The following STRN variants were observed in gnomAD, a reference collection of about 807,000 sequenced individuals.
STRN encodes striatin.
In STRN, 53 loss-of-function variants were observed where a neutral mutation model predicts 96.3. The observed-to-expected ratio is 0.55, with a 90% confidence interval of 0.44 to 0.69. STRN has a LOEUF of 0.69. Ranked by LOEUF, STRN falls within the 30% of genes least tolerant of loss-of-function variation. The pLI, the probability that STRN is intolerant of heterozygous loss-of-function variation, is 0.00. For synonymous variants in STRN, 428 were observed against 355.9 expected (o/e 1.20, Z -2.28); for missense variants, 987 against 963.9 (o/e 1.02, Z -0.32).
intron 1 of STRN, among the ~76,000 whole-genome samples, chr2:36,950,037 C>G (rs1041208588): frequency 1.3e-5 from 2 of 151,554 alleles, no homozygotes; most frequent in Non-Finnish European, 2.9e-5. Context: ...AGAAAGACAA[C>G]AAAGGAACAG....
At chr2:36,947,694 T>G (rs1377758248) in intron 1 of STRN, among the ~76,000 whole-genome samples, 3 of 151,620 alleles carry the variant, frequency 2.0e-5, no homozygotes, top group African/African-American at 7.3e-5. Context: ...AAATTCCTAC[T>G]CCTGGTTCTC....
At chr2:36,964,124 C>G (rs989319937) in intron 1 of STRN, among the ~76,000 whole-genome samples, 1 of 138,398 alleles carries the variant, frequency 7.2e-6, no homozygotes, top group East Asian at 2.1e-4. Flanking sequence ...AACTGAAGAT[C>G]AACTACAGTT....
At chr2:36,884,407 G>A (rs371498701) in intron 8 of STRN, among the ~76,000 whole-genome samples, 10 of 152,150 alleles carry the variant, frequency 6.6e-5, no homozygotes, top group African/African-American at 2.2e-4. Context: ...AGCCTACTGT[G>A]CACTGAATTA....
intron 3 of STRN, among the ~76,000 whole-genome samples, chr2:36,908,209 T>C (rs1425952128): frequency 1.3e-5 from 2 of 152,228 alleles, no homozygotes; most frequent in African/African-American, 4.8e-5. Context: ...AATGAAGTTC[T>C]GAGGTCATTA....
chr2:36,956,287 T>C (rs1294786923), intron 1 of STRN, among the ~76,000 whole-genome samples: 1 of 152,236 alleles, frequency 6.6e-6, no homozygotes, highest in Non-Finnish European at 1.5e-5. Context: ...TCACATATTT[T>C]GCATATTTAT....
At chr2:36,895,050 G>A (rs752979467) in intron 6 of STRN, among the ~76,000 whole-genome samples, 2 of 152,084 alleles carry the variant, frequency 1.3e-5, no homozygotes, top group South Asian at 2.1e-4. Flanking sequence ...AGGAGTGGCC[G>A]GGCCCGGTGG....
chr2:36,959,879 G>A (rs951993866), intron 1 of STRN, among the ~76,000 whole-genome samples: 1 of 152,282 alleles, frequency 6.6e-6, no homozygotes, highest in East Asian at 1.9e-4. Context: ...TGATTTAATT[G>A]ATCTGGGGTA....
chr2:36,899,729 G>A, intron 5 of STRN, 71 bp from the exon 6 acceptor site: 6 of 1,363,062 alleles, frequency 4.4e-6, no homozygotes, highest in Non-Finnish European at 5.9e-6. Flanking sequence ...CCCATGATAT[G>A]TTACATCAAC....
intron 4 of STRN, among the ~76,000 whole-genome samples, chr2:36,903,108 T>A (rs147690108): frequency 1.0e-3 from 156 of 152,388 alleles, no homozygotes; most frequent in African/African-American, 3.1e-3. Flanking sequence ...GTAGTTTTTT[T>A]AAATTTGTCA....
At chr2:36,888,724 C>G (rs560253821) in intron 7 of STRN, among the ~76,000 whole-genome samples, 1 of 150,680 alleles carries the variant, frequency 6.6e-6, no homozygotes, top group East Asian at 2.0e-4. Context: ...TCTATCAAAC[C>G]AGCTGGGGTG....
chr2:36,930,702 A>C (rs1670550986), intron 1 of STRN, among the ~76,000 whole-genome samples: 1 of 152,044 alleles, frequency 6.6e-6, no homozygotes, highest in Non-Finnish European at 1.5e-5. Flanking sequence ...AAACAAAACA[A>C]AAAGCAGGAA....
chr2:36,888,066 C>G (rs1224253777), intron 7 of STRN, among the ~76,000 whole-genome samples: 1 of 152,176 alleles, frequency 6.6e-6, no homozygotes, highest in African/African-American at 2.4e-5. Flanking sequence ...TATTTGATGA[C>G]AATTCCATAC....
intron 10 of STRN, among the ~76,000 whole-genome samples, chr2:36,874,723 A>AC (rs1668855749): frequency 6.8e-6 from 1 of 147,930 alleles, no homozygotes; most frequent in African/African-American, 2.6e-5. Flanking sequence ...GAGTTAAAAA[A>AC]AAAAAAAAAA....
At chr2:36,955,854 A>T (rs1201869398) in intron 1 of STRN, among the ~76,000 whole-genome samples, 3 of 152,218 alleles carry the variant, frequency 2.0e-5, no homozygotes, top group Non-Finnish European at 2.9e-5. Flanking sequence ...TATCTTGGGG[A>T]TGAGACCCAA....
chr2:36,868,411 T>G (rs1482329534), intron 11 of STRN, among the ~76,000 whole-genome samples: 3 of 152,244 alleles, frequency 2.0e-5, no homozygotes, highest in Non-Finnish European at 4.4e-5. Flanking sequence ...TCCTTCATAC[T>G]GAAGAGACTG....
At position 36,914,207 on chromosome 2, in the gene STRN, T is replaced by C. The variant is rs545261887; in HGVS notation, c.412+1871A>G. On this transcript the variant is annotated intron_variant, in intron 3 of 17. Coordinates refer to ENST00000263918, the MANE Select transcript of STRN (RefSeq NM_003162.4). Reference sequence around the variant, plus strand: ...GGTCTTGCTACATTGCCCAGACTGGTCTCAAACTCCTAGCCTTAAGCAATC... The same window carrying C: ...GGTCTTGCTACATTGCCCAGACTGGCCTCAAACTCCTAGCCTTAAGCAATC... 1.1e-3 allele frequency among the ~76,000 whole-genome samples: 173 copies of C among 152,224 alleles called. 1 individual carries two copies. The highest frequency in any genetic ancestry group is 8.3e-3 in the South Asian group (40 of 4,820).
Position 36,861,235 on chromosome 2 carries a change from C to A in STRN, c.1566G>T (p.Val522=). 6.2e-7 allele frequency: 1 copy of A among 1,613,732 alleles called. No individual in the cohort carries two copies. Among genetic ancestry groups the A allele is most frequent in the Non-Finnish European group, 8.5e-7 (1 of 1,179,820 alleles). ...FRAHKGPVLC[V]VMSSNGEQCY... Reference sequence around the variant, plus strand: ...ACTGCTCACCATTGCTGCTCATTACCACACAAAGCACTGGACCTCTGGGAG... The same window carrying A: ...ACTGCTCACCATTGCTGCTCATTACAACACAAAGCACTGGACCTCTGGGAG... Residue 522 remains valine (V), a synonymous_variant, in exon 13 of 18, where the codon GTG becomes GTT. Transcript: ENST00000263918.
At chr2:36,895,779 C>T (rs1176315665) in intron 6 of STRN, among the ~76,000 whole-genome samples, 9 of 148,710 alleles carry the variant, frequency 6.1e-5, no homozygotes, top group South Asian at 2.1e-4. Flanking sequence ...AAAAAATTAG[C>T]GAGGCATGGT....
intron 1 of STRN, among the ~76,000 whole-genome samples, chr2:36,930,654 G>A (rs1230799622): frequency 6.6e-6 from 1 of 152,016 alleles, no homozygotes; most frequent in Non-Finnish European, 1.5e-5. Context: ...TAAACCGTTT[G>A]TAACACAGTT....
Sources: allele counts gnomAD v4.1 joint callset (sites outside exome capture counted in the v4.1 genomes callset), GRCh38; gene constraint gnomAD v4.1.1; transcripts MANE v1.5; gene names NCBI Gene and HGNC (gene_info 2026-07-23, HGNC 2026-07-21).